The following MINAR1 variants were observed in gnomAD, a reference collection of about 807,000 sequenced individuals.
MINAR1 encodes the protein major intrinsically disordered Notch2-binding receptor 1.
MINAR1 carries 40 observed loss-of-function variants against 65.1 expected under a neutral mutation model. The ratio of observed to expected loss-of-function variants is 0.61; its 90% CI spans 0.48 to 0.80. The LOEUF (loss-of-function observed/expected upper bound fraction) is 0.80. Among genes scored for constraint, MINAR1 ranks in the 30% least tolerant of loss-of-function variants. The probability of loss-of-function intolerance (pLI) is 0.00; values close to 1 mark genes in which losing one functional copy is unlikely to be tolerated. For synonymous variants in MINAR1, 482 were observed against 449.1 expected, an observed-to-expected ratio of 1.07 and a Z score of -0.93; for missense variants, 1,128 against 1,148.0, an observed-to-expected ratio of 0.98 and a Z score of 0.25.
At chr15:79,427,626 ATAT>A (rs1226246928), upstream of MINAR1, among the ~76,000 whole-genome samples, 5 of 152,216 alleles carry the variant, frequency 3.3e-5, no homozygotes, top group Admixed American at 6.5e-5. Flanking sequence ...CTGGGAACAG[ATAT>A]TATATCAAAA....
chr15:79,457,970 G>A lies in MINAR1; in HGVS notation c.1823G>A (p.Arg608Gln), dbSNP rs373965120. The stretch of plus-strand genomic sequence containing the variant: ...GTGCTCAGGATTGGCGAAATTGAAC[G>A]GAAGCTGGAATCCCTGTCGGGTGTC... ...KLVLRIGEIERKLESLSGVRD... is the reference protein window; with the variant it reads ...KLVLRIGEIEQKLESLSGVRD... Residue 608 changes from arginine (R) to glutamine (Q), a missense_variant, in exon 2 of 4, where the codon CGG becomes CAG. By Grantham distance (43) the Arg-to-Gln change is conservative. Transcript: ENST00000305428. 5.1e-5 allele frequency: 82 copies of A among 1,613,978 alleles called. No homozygotes were observed. The highest frequency in any genetic ancestry group is 1.7e-4 in the Admixed American group (10 of 60,006).
At chr15:79,464,329 A>G (rs1895761528) in intron 3 of MINAR1, among the ~76,000 whole-genome samples, 1 of 152,238 alleles carries the variant, frequency 6.6e-6, no homozygotes, top group Non-Finnish European at 1.5e-5. Context: ...GCACTGAAAA[A>G]GAAGGCCCTT....
intron 1 of MINAR1, among the ~76,000 whole-genome samples, chr15:79,437,644 G>T (rs1894644341): frequency 1.5e-5 from 2 of 136,248 alleles, no homozygotes; most frequent in Admixed American, 7.3e-5. Flanking sequence ...GGGTAGTGAG[G>T]GTGTGGGTGT....
At position 79,467,789 on chromosome 15, in the gene MINAR1, G is replaced by A. The variant is rs569310487; in HGVS notation, c.2554-398G>A. Reference sequence around the variant, plus strand: ...TGATGGTCTTGTTTCAAGCAGATCTGTTCTTAGAGCCTGTTGGAAGAAAGC... The same window carrying A: ...TGATGGTCTTGTTTCAAGCAGATCTATTCTTAGAGCCTGTTGGAAGAAAGC... On this transcript the variant is annotated intron_variant, in intron 3 of 3. Coordinates refer to ENST00000305428, the MANE Select transcript of MINAR1 (RefSeq NM_015206.3). 2.6e-5 allele frequency among the ~76,000 whole-genome samples: 4 copies of A among 152,338 alleles called. No homozygotes were observed. The South Asian group carries it at 8.3e-4, about 32-fold the overall frequency.
intron 1 of MINAR1, among the ~76,000 whole-genome samples, chr15:79,433,282 A>T (rs1169956254): frequency 1.3e-5 from 2 of 152,198 alleles, no homozygotes; most frequent in Non-Finnish European, 2.9e-5. Context: ...ACATTTGAGT[A>T]GCCTAACTCT....
chr15:79,432,691 C>T (rs1290402873), intron 1 of MINAR1, among the ~76,000 whole-genome samples, 151 bp downstream of exon 1: 1 of 152,136 alleles, frequency 6.6e-6, no homozygotes, highest in Non-Finnish European at 1.5e-5. Flanking sequence ...CTCGGCTTGG[C>T]CCCGGAGCAT....
chr15:79,458,655 A>G (rs1385641339), intron 2 of MINAR1, among the ~76,000 whole-genome samples: 2 of 152,186 alleles, frequency 1.3e-5, no homozygotes, highest in Non-Finnish European at 2.9e-5. Context: ...AGCTAGGAGG[A>G]GCACATGCTG....
the MINAR1 span, chr15:79,421,253 T>A: frequency 6.6e-6 from 1 of 152,230 alleles, no homozygotes; most frequent in Non-Finnish European, 1.5e-5. Flanking sequence ...ATACTTACCC[T>A]GATTTGTGAA....
chr15:79,432,732 C>A (rs1894483196), intron 1 of MINAR1, among the ~76,000 whole-genome samples, 192 bp downstream of exon 1: 1 of 152,164 alleles, frequency 6.6e-6, no homozygotes, highest in Non-Finnish European at 1.5e-5. Context: ...GGGCCCTTGT[C>A]GCTGCGCTCA....
chr15:79,457,866 C>T lies in MINAR1; in HGVS notation c.1719C>T (p.Asn573=), dbSNP rs1320822864. Residue 573 remains asparagine (N), a synonymous_variant, in exon 2 of 4, where the codon AAC becomes AAT. Transcript: ENST00000305428. ...CCAAAATTGCCAATGGGGTCCCCAA[C>T]AGCAAGGGAGACAAGGGCAACCGGC... ...NLTKIANGVP[N]SKGDKGNRPE... is the part of the protein sequence containing the mutation. 6.2e-7 allele frequency: 1 copy of T among 1,614,098 alleles called. No homozygotes were observed. Among genetic ancestry groups the T allele is most frequent in the Non-Finnish European group, 8.5e-7 (1 of 1,180,044 alleles).
chr15:79,447,382 GTCT>G (rs1340822285), intron 1 of MINAR1, among the ~76,000 whole-genome samples: 1 of 151,940 alleles, frequency 6.6e-6, no homozygotes, highest in Non-Finnish European at 1.5e-5. Context: ...TTTTCATAGT[GTCT>G]TCTTTTATTT....
chr15:79,457,677 C>T lies in MINAR1; in HGVS notation c.1530C>T (p.Asp510=), dbSNP rs1448558063. ...ACACCATGAAGCACTCAGACGATGA[C>T]TCAGAAATTGTCAGCGACGACATCA... ...DRHTMKHSDD[D]SEIVSDDISD... Residue 510 remains aspartate (D), a synonymous_variant, in exon 2 of 4, where the codon GAC becomes GAT. Coordinates refer to ENST00000305428, the MANE Select transcript of MINAR1 (RefSeq NM_015206.3). 2.5e-6 allele frequency: 4 copies of T among 1,614,196 alleles called. No individual in the cohort carries two copies. The highest frequency in any genetic ancestry group is 3.3e-5 in the Admixed American group (2 of 60,026).
rs1298601062 is a variant in MINAR1, at chr15:79,463,124, G to A, written c.2356G>A (p.Gly786Ser). The A allele has an allele frequency of 1.2e-6, 2 of 1,614,188 alleles. No individual in the cohort carries two copies. Among genetic ancestry groups the A allele is most frequent in the Admixed American group, 1.7e-5 (1 of 60,026 alleles). ...QHRLPKQPKD[G>S]FLVEQVFSPH... ...CCGACTGCCCAAGCAGCCCAAAGAT[G>A]GCTTCCTGGTGGAGCAGGTGTTCAG... Residue 786 changes from glycine to serine, a missense_variant, in exon 3 of 4, where the codon GGC (glycine) becomes AGC (serine). Transcript: ENST00000305428.
intron 1 of MINAR1, among the ~76,000 whole-genome samples, chr15:79,447,962 G>A (rs1028369141): frequency 1.3e-5 from 2 of 152,072 alleles, no homozygotes; most frequent in African/African-American, 4.8e-5. Context: ...CTCATGGAAG[G>A]CCTATCCTAA....
At chr15:79,440,649 C>G (rs1479494569) in intron 1 of MINAR1, among the ~76,000 whole-genome samples, 1 of 152,088 alleles carries the variant, frequency 6.6e-6, no homozygotes, top group African/African-American at 2.4e-5. Flanking sequence ...CTGGGCTTTG[C>G]CTTCCCCTTC....
the MINAR1 span, chr15:79,411,697 C>T: frequency 1.9e-6 from 1 of 538,898 alleles, no homozygotes; most frequent in East Asian, 3.1e-5. Flanking sequence ...GGAATCCCGG[C>T]AGGAGGAGAC....
At chr15:79,451,069 C>T (rs997702099) in intron 1 of MINAR1, among the ~76,000 whole-genome samples, 12 of 152,124 alleles carry the variant, frequency 7.9e-5, no homozygotes, top group Non-Finnish European at 1.8e-4. Context: ...GTCTGTGGGC[C>T]CCTGTCGCTC....
In MINAR1 at chr15:79,436,140, G is replaced by A. The variant is rs142218876; in HGVS notation, c.-51+3600G>A. Among the ~76,000 whole-genome samples, 19 of 152,352 alleles carry A rather than the reference G, an allele frequency of 1.2e-4. No individual in the cohort carries two copies. In the East Asian group the frequency reaches 2.9e-3, roughly 23 times the overall value. ...ATGTGGAGCAGAGCTTCTTGCTGAC[G>A]CATAATGGACATGTAGCATTGATAA... is the stretch of plus-strand genomic sequence containing the variant. On this transcript the variant is annotated intron_variant, in intron 1 of 3. Coordinates refer to ENST00000305428, the MANE Select transcript of MINAR1 (RefSeq NM_015206.3).
At chr15:79,459,226 G>A (rs1360551146) in intron 2 of MINAR1, among the ~76,000 whole-genome samples, 2 of 152,072 alleles carry the variant, frequency 1.3e-5, no homozygotes, top group African/African-American at 4.8e-5. Flanking sequence ...ACACAAAGAC[G>A]GCAACTCTTA....
Sources: gnomAD v4.1 joint callset for allele counts (sites outside exome capture counted in the v4.1 genomes callset) on GRCh38, gnomAD v4.1.1 for gene constraint, MANE v1.5 for transcripts, NCBI Gene and HGNC (gene_info 2026-07-23, HGNC 2026-07-21) for gene names.